The following HDGFL2 variants were observed in gnomAD, a reference collection of about 807,000 sequenced individuals.
HDGFL2 encodes HDGF like 2.
HDGFL2 carries 36 observed loss-of-function variants against 77.1 expected under a neutral mutation model. That is an observed-to-expected ratio of 0.47 (90% confidence interval 0.36 to 0.62). The LOEUF (loss-of-function observed/expected upper bound fraction) is 0.62. Ranked by LOEUF, HDGFL2 falls within the 20% of genes least tolerant of loss-of-function variation. The probability of loss-of-function intolerance (pLI) is 0.00; values close to 1 mark genes in which losing one functional copy is unlikely to be tolerated. For synonymous variants in HDGFL2, 463 were observed against 413.1 expected (o/e 1.12, Z -1.46); for missense variants, 976 against 973.4 (o/e 1.00, Z -0.04).
intron 3 of HDGFL2, among the ~76,000 whole-genome samples, chr19:4,478,351 C>G (rs1330195814): frequency 6.6e-6 from 1 of 151,386 alleles, no homozygotes; most frequent in Non-Finnish European, 1.5e-5. Context: ...TATGGGCGCC[C>G]ACTACCATGC....
At chr19:4,477,945 T>G (rs1181249598) in intron 3 of HDGFL2, among the ~76,000 whole-genome samples, 1 of 151,818 alleles carries the variant, frequency 6.6e-6, no homozygotes. Flanking sequence ...CTGGGCGTGG[T>G]GGCAGGCGCC....
rs1250423796 is a variant in HDGFL2 at position 4,472,342 on chromosome 19, G to A, written c.-9G>A. The A allele has an allele frequency of 3.3e-6, 5 of 1,514,732 alleles. No individual in the cohort carries two copies. In the Admixed American group the frequency reaches 6.4e-5, roughly 19 times the overall value. 93.8% of individuals were successfully genotyped at this position (1,514,732 alleles called of 1,614,324 possible). A position where few individuals can be genotyped will look rare whatever the true frequency, so the allele number is the denominator to read the frequency against. ...CCGCTTTCCGCGGCCTGGGCCTCTC[G>A]CCGTCAGCATGCCACACGCCTTCAA... On this transcript the variant is annotated 5_prime_UTR_variant, in exon 1 of 16. Coordinates refer to ENST00000616600, the MANE Select transcript of HDGFL2 (RefSeq NM_001001520.3).
chr19:4,496,163 C>T (rs2145208181), intron 9 of HDGFL2, 139 bp from the exon 10 acceptor site: 1 of 697,502 alleles, frequency 1.4e-6, no homozygotes, highest in Non-Finnish European at 2.5e-6. Context: ...CCCTCCTCTC[C>T]CATCCTGCCC....
intron 2 of HDGFL2, 32 bp downstream of exon 2, chr19:4,475,383 C>T (rs1280150153): frequency 6.2e-7 from 1 of 1,613,950 alleles, no homozygotes; most frequent in East Asian, 2.2e-5. Flanking sequence ...TTGGTTTTCT[C>T]CTCTGGTGCC....
intron 1 of HDGFL2, among the ~76,000 whole-genome samples, chr19:4,474,309 C>A (rs150317194): frequency 1.3e-5 from 2 of 152,180 alleles, no homozygotes; most frequent in East Asian, 3.9e-4. Flanking sequence ...CTCGGAGGAC[C>A]GTGGGCGGGT....
In HDGFL2 at chr19:4,472,299, C is replaced by T. The variant is rs1205198931; in HGVS notation, c.-52C>T. 7 of 1,366,702 alleles carry T rather than the reference C, an allele frequency of 5.1e-6. No individual in the cohort carries two copies. In the South Asian group the frequency reaches 6.5e-5, roughly 13 times the overall value. The allele number at this position is 1,366,702 out of a possible 1,614,324, so 84.7% of individuals were successfully genotyped here. ...GCTGCCGCCGCCGCCGCCGCCGCAG[C>T]CGCTACCGCCGCTGCAGCCGCTTTC... is the stretch of plus-strand genomic sequence containing the variant. On this transcript the variant is annotated 5_prime_UTR_variant, in exon 1 of 16. Coordinates refer to ENST00000616600, the MANE Select transcript of HDGFL2 (RefSeq NM_001001520.3).
intron 13 of HDGFL2, among the ~76,000 whole-genome samples, chr19:4,499,287 A>C (rs1162801866): frequency 6.6e-6 from 1 of 151,848 alleles, no homozygotes; most frequent in African/African-American, 2.4e-5. Flanking sequence ...CGGAGGTTGC[A>C]GTGAGCCGAG....
chr19:4,484,283 C>G (rs942835525), intron 3 of HDGFL2, among the ~76,000 whole-genome samples: 2 of 150,378 alleles, frequency 1.3e-5, no homozygotes, highest in Non-Finnish European at 3.0e-5. Flanking sequence ...AGCATTTGGC[C>G]ATCTTGGCCA....
In HDGFL2 at chr19:4,498,920, G is replaced by A. The variant is rs1454879483; in HGVS notation, c.1575+5G>A. On this transcript the variant is annotated splice_donor_5th_base_variant and intron_variant, in intron 13 of 15. Transcript: ENST00000616600. ...GTGGTGGCCACCTTGAAGAAGGTAT[G>A]GCGGGGGAATCAGAGGCGCAGGGTG... The A allele has an allele frequency of 1.3e-6, 2 of 1,594,478 alleles. No individual in the cohort carries two copies. The highest frequency in any genetic ancestry group is 1.7e-6 in the Non-Finnish European group (2 of 1,167,844).
At chr19:4,497,630 G>C (rs935021393) in intron 10 of HDGFL2, 3 of 397,116 alleles carry the variant, frequency 7.6e-6, no homozygotes, top group African/African-American at 2.0e-5. Flanking sequence ...TCCTGCACGC[G>C]TGTCACCCTT....
intron 1 of HDGFL2, among the ~76,000 whole-genome samples, chr19:4,472,991 G>A (rs966479555): frequency 6.6e-6 from 1 of 150,894 alleles, no homozygotes; most frequent in Non-Finnish European, 1.5e-5. Flanking sequence ...TGAGGGTTTT[G>A]GGGCTCAGAG....
At chr19:4,473,506 G>A (rs574598761) in intron 1 of HDGFL2, among the ~76,000 whole-genome samples, 2 of 152,024 alleles carry the variant, frequency 1.3e-5, no homozygotes, top group South Asian at 4.2e-4. Context: ...CAGAACTGCG[G>A]AACTTGAGAT....
Position 4,493,798 on chromosome 19 carries a change from C to T in HDGFL2, c.774C>T (p.Ser258=), listed in dbSNP as rs1568214008. 3 of 1,542,294 alleles carry T rather than the reference C, an allele frequency of 1.9e-6. No individual in the cohort carries two copies. Among genetic ancestry groups the T allele is most frequent in the Admixed American group, 2.0e-5 (1 of 50,404 alleles). ...TGGCGCGGTCGGCGTCCTCCTCCTC[C>T]TCTTCCTCCTCCTCCTCCGACTCCG... ...VAMARSASSS[S]SSSSSSDSDV... Residue 258 remains serine, a synonymous_variant, in exon 7 of 16, where the codon TCC becomes TCT. Coordinates refer to ENST00000616600, the MANE Select transcript of HDGFL2 (RefSeq NM_001001520.3).
chr19:4,490,365 G>A (rs1055579287), intron 4 of HDGFL2, among the ~76,000 whole-genome samples: 5 of 152,194 alleles, frequency 3.3e-5, no homozygotes, highest in Non-Finnish European at 7.3e-5. Context: ...GATGACAGGC[G>A]TGAGCCACCG....
chr19:4,497,163 G>A (rs980040221), intron 10 of HDGFL2: 6 of 450,814 alleles, frequency 1.3e-5, no homozygotes, highest in South Asian at 4.7e-5. Flanking sequence ...GTGAGCCACC[G>A]TGCCTGGCTG....
intron 3 of HDGFL2, among the ~76,000 whole-genome samples, chr19:4,479,710 C>T (rs1293602846): frequency 6.6e-6 from 1 of 151,820 alleles, no homozygotes; most frequent in Non-Finnish European, 1.5e-5. Context: ...GAGGTCAGAC[C>T]AGCCTGGCCA....
intron 10 of HDGFL2, chr19:4,497,701 G>C: frequency 1.9e-6 from 1 of 532,140 alleles, no homozygotes; most frequent in East Asian, 3.2e-5. Flanking sequence ...CCATGTGAAC[G>C]AGGAAAAGAA....
chr19:4,493,214 TGTG>T lies in HDGFL2; in HGVS notation c.679-485_679-483del, dbSNP rs557399436. Among the ~76,000 whole-genome samples the T allele has an allele frequency of 1.6e-3, 217 of 139,074 alleles. 1 individual carries two copies. Among genetic ancestry groups the T allele is most frequent in the African/African-American group, 5.7e-3 (206 of 36,310 alleles). 91.2% of individuals were successfully genotyped at this position (139,074 alleles called of 152,430 possible). Reference sequence around the variant, plus strand: ...GTGTTGTCTGTGTCTGTGCGGTGTGTGTGGTGTGGTGTGTGGTATCTGTGTGGT... The same window carrying T: ...GTGTTGTCTGTGTCTGTGCGGTGTGTGTGTGGTGTGTGGTATCTGTGTGGT... On this transcript the variant is annotated intron_variant, in intron 6 of 15. Transcript: ENST00000616600.
At position 4,494,032 on chromosome 19, in the gene HDGFL2, C is replaced by T; in HGVS notation, c.889C>T (p.Pro297Ser). ...PRGRKPKPER[P>S]PSSSSSDSDS... ...AGGGCGGAAACCGAAGCCTGAACGGCCTCCGTCCAGCTCCAGCAGTGACAG... is the reference window on the plus strand; with the variant it reads ...AGGGCGGAAACCGAAGCCTGAACGGTCTCCGTCCAGCTCCAGCAGTGACAG... Residue 297 changes from proline to serine, a missense_variant, in exon 8 of 16, where the codon CCT becomes TCT. Physicochemically the swap from Pro to Ser is moderately conservative, Grantham distance 74. Around this residue, in one of 5 missense-constraint regions of HDGFL2, gnomAD observed 567 missense variants for 534.7 expected, o/e 1.06. Coordinates refer to ENST00000616600, the MANE Select transcript of HDGFL2 (RefSeq NM_001001520.3). 1 of 1,610,676 alleles carries T rather than the reference C, an allele frequency of 6.2e-7. No individual in the cohort carries two copies. The highest frequency in any genetic ancestry group is 8.5e-7 in the Non-Finnish European group (1 of 1,179,016).
Sources: allele counts gnomAD v4.1 joint callset (sites outside exome capture counted in the v4.1 genomes callset), GRCh38; gene constraint gnomAD v4.1.1; regional missense constraint gnomAD v4.1.1; transcripts MANE v1.5; gene names NCBI Gene and HGNC (gene_info 2026-07-23, HGNC 2026-07-21).